Variants in UMOD observed in about 807,000 individuals in gnomAD.
The protein encoded by UMOD is uromodulin.
Under a neutral mutation model 66.0 loss-of-function variants are expected in UMOD, and 64 were observed. The ratio of observed to expected loss-of-function variants is 0.97; its 90% CI spans 0.79 to 1.19. UMOD has a LOEUF of 1.19. UMOD is among the 50% of genes most tolerant of loss of function. The pLI, the probability that UMOD is intolerant of heterozygous loss-of-function variation, is 0.00. For missense variants in UMOD, 764 were observed against 850.9 expected, an observed-to-expected ratio of 0.90 and a Z score of 1.27; for synonymous variants, 398 against 352.7, an observed-to-expected ratio of 1.13 and a Z score of -1.44.
intron 10 of UMOD, among the ~76,000 whole-genome samples, chr16:20,334,437 C>T (rs1964764396): frequency 6.6e-6 from 1 of 152,136 alleles, no homozygotes. Context: ...CATCTGCACA[C>T]ACAAATATGC....
At chr16:20,334,914 C>A (rs1047269472) in intron 10 of UMOD, among the ~76,000 whole-genome samples, 3 of 151,244 alleles carry the variant, frequency 2.0e-5, no homozygotes, top group Non-Finnish European at 4.4e-5. Context: ...TCACTGCAAC[C>A]TCTGCCCCCC....
At position 20,341,139 on chromosome 16, in the gene UMOD, G is replaced by A; in HGVS notation, c.1529C>T (p.Pro510Leu). The A allele has an allele frequency of 6.2e-7, 1 of 1,614,132 alleles. No individual in the cohort carries two copies. Among genetic ancestry groups the A allele is most frequent in the Non-Finnish European group, 8.5e-7 (1 of 1,180,022 alleles). The part of the protein sequence containing the change: ...ALLMTNCYAT[P>L]SSNATDPLKY... ...CAGGGGGTCCGTGGCATTGCTACTGGGTGTGGCATAGCAGTTGGTCATGAG... is the reference window on the plus strand; with the variant it reads ...CAGGGGGTCCGTGGCATTGCTACTGAGTGTGGCATAGCAGTTGGTCATGAG... The change falls in exon 7 of 11, where the codon CCC becomes CTC. Residue 510 changes from proline (P) to leucine (L), a missense_variant. Pro to Leu is a moderately conservative substitution (Grantham distance 98). Transcript: ENST00000396138.
chr16:20,336,799 A>C lies in UMOD; in HGVS notation c.1741-72T>G. 8.6e-6 allele frequency: 12 copies of C among 1,394,844 alleles called. No individual in the cohort carries two copies. In the South Asian group the frequency reaches 1.4e-4, roughly 16 times the overall value. The allele number at this position is 1,394,844 out of a possible 1,614,324, so 86.4% of individuals were successfully genotyped here. A position where few individuals can be genotyped will look rare whatever the true frequency, so the allele number is the denominator to read the frequency against. ...AATGTGGTTCTGCCACGTGGAGTGGACTGCCCACCTCACAGGTGCCTTCCC... is the reference window on the plus strand; with the variant it reads ...AATGTGGTTCTGCCACGTGGAGTGGCCTGCCCACCTCACAGGTGCCTTCCC... On this transcript the variant is annotated intron_variant, in intron 8 of 10. Coordinates refer to ENST00000396138, the MANE Select transcript of UMOD (RefSeq NM_003361.4).
intron 7 of UMOD, among the ~76,000 whole-genome samples, chr16:20,340,888 G>A (rs1965169865): frequency 6.6e-6 from 1 of 151,768 alleles, no homozygotes; most frequent in Admixed American, 6.6e-5. Context: ...CAGCTACTTG[G>A]GAGGCTGAGG....
chr16:20,344,297 T>A, intron 5 of UMOD, 125 bp from the exon 6 acceptor site: 1 of 983,222 alleles, frequency 1.0e-6, no homozygotes, highest in Non-Finnish European at 1.6e-6. Flanking sequence ...GCTCTCCTAG[T>A]CTCCTTGATA....
rs1459785841 is a variant in UMOD, at chr16:20,333,370, G to A, written c.1867C>T (p.Leu623=). The A allele has an allele frequency of 6.2e-7, 1 of 1,612,402 alleles. No homozygotes were observed. The highest frequency in any genetic ancestry group is 1.1e-5 in the South Asian group (1 of 90,728). The change falls in exon 11 of 11, where the codon CTG becomes TTG. Residue 623 remains leucine (L), a synonymous_variant. Transcript: ENST00000396138. Reference sequence around the variant, plus strand: ...AGAAGCAGAGGCAGCCAGACTTTCAGGAGCCCTGAAAAGAAAACAGTGACA... The same window carrying A: ...AGAAGCAGAGGCAGCCAGACTTTCAAGAGCCCTGAAAAGAAAACAGTGACA... The part of the protein sequence containing the change: ...VSRAFSSLGL[L]KVWLPLLLSA...
At chr16:20,344,690 GA>G (rs34857077) in intron 5 of UMOD, among the ~76,000 whole-genome samples, 108,081 of 151,296 alleles carry the variant, frequency 0.71, 39,433 homozygotes, top group Non-Finnish European at 0.76. Context: ...TTATAAATTA[GA>G]AAAAAAAAGT....
chr16:20,337,061 A>G (rs1567300217), intron 8 of UMOD, among the ~76,000 whole-genome samples: 1 of 152,238 alleles, frequency 6.6e-6, no homozygotes, highest in Non-Finnish European at 1.5e-5. Context: ...TGTTATTTGA[A>G]CACAAGCTTG....
intron 6 of UMOD, among the ~76,000 whole-genome samples, chr16:20,343,116 C>T (rs917851400): frequency 1.7e-5 from 2 of 120,676 alleles, no homozygotes; most frequent in Admixed American, 8.6e-5. Flanking sequence ...GGCGACAGTA[C>T]GAGACTCCGT....
chr16:20,351,040 G>T, intron 1 of UMOD: 1 of 438,006 alleles, frequency 2.3e-6, no homozygotes, highest in Non-Finnish European at 4.2e-6. Flanking sequence ...TCCCAGTCTT[G>T]GCTCCCCAAT....
intron 1 of UMOD, 78 bp downstream of exon 1, chr16:20,352,611 C>G: frequency 8.7e-7 from 1 of 1,151,294 alleles, no homozygotes; most frequent in Non-Finnish European, 1.1e-6. Flanking sequence ...TGTCCAAGGT[C>G]TTAATTTCCT....
chr16:20,337,234 T>C, intron 8 of UMOD, 57 bp downstream of exon 8: 1 of 1,601,180 alleles, frequency 6.2e-7, no homozygotes, highest in Admixed American at 1.7e-5. Flanking sequence ...TTTGTTTTCT[T>C]TGTGGCCAAA....
At chr16:20,344,726 G>C (rs1027727080) in intron 5 of UMOD, among the ~76,000 whole-genome samples, 3 of 151,862 alleles carry the variant, frequency 2.0e-5, no homozygotes, top group Non-Finnish European at 4.4e-5. Context: ...CCATTCATGC[G>C]CATATGTCAT....
chr16:20,336,459 A>G (rs542504694), intron 9 of UMOD, among the ~76,000 whole-genome samples, 187 bp downstream of exon 9: 146 of 152,282 alleles, frequency 9.6e-4, no homozygotes, highest in African/African-American at 3.3e-3. Flanking sequence ...TATTTGTCCA[A>G]TGAATGGGTG....
chr16:20,336,823 C>A, intron 8 of UMOD, 96 bp from the exon 9 acceptor site: 1 of 1,137,700 alleles, frequency 8.8e-7, no homozygotes, highest in South Asian at 1.3e-5. Flanking sequence ...AGGTGCCTTC[C>A]CTTGCCCCAG....
chr16:20,338,559 A>G (rs1425158323), intron 7 of UMOD, among the ~76,000 whole-genome samples: 1 of 151,966 alleles, frequency 6.6e-6, no homozygotes, highest in African/African-American at 2.4e-5. Flanking sequence ...CAGTGGTGTG[A>G]TCTTGGCTCA....
chr16:20,336,624 G>T, intron 9 of UMOD, 22 bp downstream of exon 9: 1 of 1,610,078 alleles, frequency 6.2e-7, no homozygotes, highest in South Asian at 1.1e-5. Context: ...CAGGAATGTT[G>T]AGGAGCGAGT....
At chr16:20,350,989 G>A in intron 1 of UMOD, 150 bp from the exon 2 acceptor site, 2 of 708,228 alleles carry the variant, frequency 2.8e-6, no homozygotes, top group Non-Finnish European at 2.2e-6. Context: ...TGTTTTGCTG[G>A]GACTTTACCC....
chr16:20,333,318 T>C lies in UMOD; in HGVS notation c.1919A>G (p.Gln640Arg), dbSNP rs776685236. 32 of 1,612,940 alleles carry C rather than the reference T, an allele frequency of 2.0e-5. No individual in the cohort carries two copies. In the South Asian group the frequency reaches 3.2e-4, roughly 16 times the overall value. Reference protein sequence around the residue: ...LLSATLTLTFQ With the variant: ...LLSATLTLTFR Reference sequence around the variant, plus strand: ...CACAGGGCTTTCCGCTGTCAGTCACTGAAAAGTCAGGGTCAAGGTGGCCGA... The same window carrying C: ...CACAGGGCTTTCCGCTGTCAGTCACCGAAAAGTCAGGGTCAAGGTGGCCGA... Residue 640 changes from glutamine (Q) to arginine (R), a missense_variant, in exon 11 of 11, where the codon CAG becomes CGG. Gln to Arg is a conservative substitution (Grantham distance 43). Transcript: ENST00000396138.
Sources: gnomAD v4.1 joint callset for allele counts (sites outside exome capture counted in the v4.1 genomes callset) on GRCh38, gnomAD v4.1.1 for gene constraint, MANE v1.5 for transcripts, NCBI Gene and HGNC (gene_info 2026-07-23, HGNC 2026-07-21) for gene names.